UGT1A3: variants seen among roughly 807,000 people sequenced by gnomAD.
UGT1A3 encodes UDP glucuronosyltransferase family 1 member A3, also known as UDP-glucuronosyltransferase 1A3.
A neutral mutation model predicts 41.0 loss-of-function variants in UGT1A3; 31 were observed. That is an observed-to-expected ratio of 0.76 (90% CI 0.57 to 1.02). UGT1A3 has a LOEUF of 1.02. Ranked by LOEUF, UGT1A3 falls within the 50% of genes least tolerant of loss-of-function variation. The probability of loss-of-function intolerance (pLI) is 0.00; values close to 1 mark genes in which losing one functional copy is unlikely to be tolerated. For synonymous variants in UGT1A3, 262 were observed against 257.6 expected (o/e 1.02, Z -0.17); for missense variants, 737 against 671.0 (o/e 1.10, Z -1.09).
At chr2:233,743,198 T>G (rs1692227128) in intron 1 of UGT1A3, 1 of 382,180 alleles carries the variant, frequency 2.6e-6, no homozygotes, top group African/African-American at 2.1e-5. Flanking sequence ...TTACTTGGTG[T>G]CAATGCGGAG....
intron 1 of UGT1A3, chr2:233,754,390 C>T (rs1695467678): frequency 3.3e-6 from 1 of 303,086 alleles, no homozygotes; most frequent in Admixed American, 4.5e-5. Context: ...AACAGAGGTC[C>T]TATCCGTGCA....
At position 233,743,837 on chromosome 2, in the gene UGT1A3, G is replaced by A. The variant is rs371252305; in HGVS notation, c.867+13844G>A. On this transcript the variant is annotated intron_variant, in intron 1 of 4. Coordinates refer to ENST00000482026, the MANE Select transcript of UGT1A3 (RefSeq NM_019093.4). Reference sequence around the variant, plus strand: ...GTTTTTGTCGGGGTGCCACTTGAGCGCCAGCTTGCGGTACGCCTTCTTGAT... The same window carrying A: ...GTTTTTGTCGGGGTGCCACTTGAGCACCAGCTTGCGGTACGCCTTCTTGAT... 45 of 1,367,128 alleles carry A rather than the reference G, an allele frequency of 3.3e-5. No homozygotes were observed. The African/African-American group carries it at 3.6e-4, about 11-fold the overall frequency. 84.7% of individuals were successfully genotyped at this position (1,367,128 alleles called of 1,614,324 possible). A position where few individuals can be genotyped will look rare whatever the true frequency, so the allele number is the denominator to read the frequency against.
At position 233,772,892 on chromosome 2, in the gene UGT1A3, T is replaced by A; in HGVS notation, c.*333T>A. On this transcript the variant is annotated 3_prime_UTR_variant, in exon 5 of 5. Coordinates refer to ENST00000482026, the MANE Select transcript of UGT1A3 (RefSeq NM_019093.4). The stretch of plus-strand genomic sequence containing the variant: ...TTGGGAGTGCGGGATTCAAAGGTGG[T>A]CCCACGGCTGCCCCTACTGCAAATG... 1 of 501,562 alleles carries A rather than the reference T, an allele frequency of 2.0e-6. No homozygotes were observed. Among genetic ancestry groups the A allele is most frequent in the Non-Finnish European group, 3.2e-6 (1 of 310,918 alleles). 31.1% of individuals were successfully genotyped at this position (501,562 alleles called of 1,614,324 possible).
At chr2:233,734,411 C>T (rs1003514733) in intron 1 of UGT1A3, among the ~76,000 whole-genome samples, 1 of 152,010 alleles carries the variant, frequency 6.6e-6, no homozygotes, top group Admixed American at 6.6e-5. Context: ...TGATTCTTCT[C>T]TCTTTTCTTC....
intron 1 of UGT1A3, chr2:233,743,965 G>A (rs1040596623): frequency 9.0e-6 from 12 of 1,330,234 alleles, no homozygotes; most frequent in Non-Finnish European, 1.0e-5. Context: ...CGAGCGGCAA[G>A]GCTGCCAGCA....
intron 1 of UGT1A3, among the ~76,000 whole-genome samples, chr2:233,738,445 C>T (rs1322346055): frequency 2.6e-5 from 4 of 152,306 alleles, no homozygotes; most frequent in Non-Finnish European, 5.9e-5. Context: ...GCTCAGAAGA[C>T]AGGAAGATGT....
At chr2:233,757,560 A>ATATATATATATATG (rs904896556) in intron 1 of UGT1A3, among the ~76,000 whole-genome samples, 2 of 123,156 alleles carry the variant, frequency 1.6e-5, no homozygotes, top group African/African-American at 6.8e-5. Flanking sequence ...ATATATATAT[A>ATATATATATATATG]TGTATATATG....
At chr2:233,761,168 G>A in intron 1 of UGT1A3, 1 of 1,614,168 alleles carries the variant, frequency 6.2e-7, no homozygotes, top group Non-Finnish European at 8.5e-7. Context: ...ATTGGAGTGG[G>A]ACTTTTACAT....
Position 233,743,942 on chromosome 2 carries a change from G to A in UGT1A3, c.867+13949G>A, listed in dbSNP as rs1297528257. On this transcript the variant is annotated intron_variant, in intron 1 of 4. Coordinates refer to ENST00000482026, the MANE Select transcript of UGT1A3 (RefSeq NM_019093.4). ...GCTGGATGGCCAGAACGGCCCACCA[G>A]GCACTGGCACAGCGAGCGGCAAGGC... 3 of 1,352,602 alleles carry A rather than the reference G, an allele frequency of 2.2e-6. No individual in the cohort carries two copies. The African/African-American group carries it at 4.5e-5, about 20-fold the overall frequency. The allele number at this position is 1,352,602 out of a possible 1,614,324, so 83.8% of individuals were successfully genotyped here.
rs890288877 is a variant in UGT1A3, at chr2:233,747,512, C to T, written c.867+17519C>T. ...TTGTGCTGGGCCACACTCAACTGTA[C>T]TTTGAAACAGAACATTTTCTGAAGA... On this transcript the variant is annotated intron_variant, in intron 1 of 4. Transcript: ENST00000482026. The T allele has an allele frequency of 5.6e-6, 9 of 1,607,598 alleles. No homozygotes were observed. In the South Asian group the frequency reaches 8.8e-5, roughly 16 times the overall value.
intron 1 of UGT1A3, among the ~76,000 whole-genome samples, chr2:233,761,453 G>A (rs1414983430): frequency 2.6e-5 from 4 of 152,196 alleles, no homozygotes. Flanking sequence ...GCTGGGTTTG[G>A]GGCACCCTGC....
chr2:233,738,229 G>GCTCC lies in UGT1A3; in HGVS notation c.867+8237_867+8238insTCCC, dbSNP rs56839564. ...CTGCCAGGATTATAAGTTTCCTGAGGCCCCTCCAGCCACATGGAACTGGAG... is the reference window on the plus strand; with the variant it reads ...CTGCCAGGATTATAAGTTTCCTGAGGCTCCCCCCTCCAGCCACATGGAACTGGAG... On this transcript the variant is annotated intron_variant, in intron 1 of 4. Transcript: ENST00000482026. Among the ~76,000 whole-genome samples, 1,480 of 152,188 alleles carry GCTCC rather than the reference G, an allele frequency of 9.7e-3. 33 individuals are homozygous for GCTCC. The highest frequency in any genetic ancestry group is 0.033 in the African/African-American group (1,389 of 41,506).
At chr2:233,754,995 C>T (rs769077985) in intron 1 of UGT1A3, 25 of 1,295,296 alleles carry the variant, frequency 1.9e-5, no homozygotes, top group Non-Finnish European at 2.3e-5. Flanking sequence ...GTCACGGAAG[C>T]TGAAGACCTA....
At chr2:233,767,806 A>G in intron 2 of UGT1A3, 43 bp from the exon 3 acceptor site, 1 of 1,614,116 alleles carries the variant, frequency 6.2e-7, no homozygotes, top group Non-Finnish European at 8.5e-7. Flanking sequence ...TTCTAATCAT[A>G]TTATGTTCTT....
In UGT1A3 at chr2:233,729,228, GC is replaced by G; in HGVS notation, c.105del (p.Ile36LeufsTer30). 6.2e-7 allele frequency: 1 copy of G among 1,614,164 alleles called. No homozygotes were observed. Among genetic ancestry groups the G allele is most frequent in the African/African-American group, 1.3e-5 (1 of 75,062 alleles). On this transcript the variant is annotated frameshift_variant, in exon 1 of 5. Transcript: ENST00000482026. LOFTEE classifies it high-confidence loss of function. ...WAESGKVLVV[P>X]IDGSHWLSMR... ...CTGAGAGTGGAAAGGTGTTGGTGGT[GC>G]CCATTGATGGCAGCCACTGGCTCAG...
At chr2:233,760,450 C>T (rs1218272105) in intron 1 of UGT1A3, 1 of 1,614,084 alleles carries the variant, frequency 6.2e-7, no homozygotes, top group East Asian at 2.2e-5. Context: ...GCAGAGGGGA[C>T]ATGAAATAGT....
chr2:233,757,560 A>ATGTG (rs199649558), intron 1 of UGT1A3, among the ~76,000 whole-genome samples: 1 of 123,156 alleles, frequency 8.1e-6, no homozygotes, highest in African/African-American at 3.4e-5. Context: ...ATATATATAT[A>ATGTG]TGTATATATG....
At chr2:233,772,125 C>T in intron 4 of UGT1A3, 137 bp from the exon 5 acceptor site, 1 of 1,536,166 alleles carries the variant, frequency 6.5e-7, no homozygotes, top group South Asian at 1.2e-5. Flanking sequence ...AAAACAACAA[C>T]AACAACAATA....
intron 1 of UGT1A3, chr2:233,743,518 C>A: frequency 1.5e-6 from 2 of 1,367,324 alleles, no homozygotes; most frequent in Non-Finnish European, 9.8e-7. Flanking sequence ...CGCTCTGCTT[C>A]TGCTTCCCCA....
Sources: gnomAD v4.1 joint callset for allele counts (sites outside exome capture counted in the v4.1 genomes callset) on GRCh38, gnomAD v4.1.1 for gene constraint, MANE v1.5 for transcripts, NCBI Gene and HGNC (gene_info 2026-07-23, HGNC 2026-07-21) for gene names.